Variants in COL28A1 observed in about 807,000 individuals in gnomAD.
COL28A1 encodes collagen type XXVIII alpha 1 chain, also known as collagen alpha-1(XXVIII) chain.
COL28A1 carries 161 observed loss-of-function variants against 150.2 expected under a neutral mutation model. The observed-to-expected ratio is 1.07, with a 90% CI of 0.94 to 1.22. The LOEUF (loss-of-function observed/expected upper bound fraction) is 1.22. Among genes scored for constraint, COL28A1 ranks in the 50% most tolerant of loss-of-function variants. COL28A1 has a pLI of 0.00. For synonymous variants in COL28A1, 552 were observed against 469.7 expected, an observed-to-expected ratio of 1.18 and a Z score of -2.26; for missense variants, 1,617 against 1,388.3, an observed-to-expected ratio of 1.16 and a Z score of -2.62.
chr7:7,442,652 C>A (rs1161551532), intron 20 of COL28A1, among the ~76,000 whole-genome samples: 1 of 152,160 alleles, frequency 6.6e-6, no homozygotes, highest in African/African-American at 2.4e-5. Flanking sequence ...GAATTATGAA[C>A]AGAACACTAA....
At chr7:7,405,787 C>T (rs1372096605) in intron 27 of COL28A1, among the ~76,000 whole-genome samples, 1 of 152,058 alleles carries the variant, frequency 6.6e-6, no homozygotes, top group African/African-American at 2.4e-5. Flanking sequence ...GAAACTGTAA[C>T]AATATTGCAT....
At chr7:7,408,875 C>T (rs963535046) in intron 27 of COL28A1, among the ~76,000 whole-genome samples, 129 of 152,210 alleles carry the variant, frequency 8.5e-4, no homozygotes, top group African/African-American at 3.0e-3. Context: ...TTGAGTGACA[C>T]TTTGTTTTTA....
At chr7:7,494,601 C>G (rs1188606995) in intron 11 of COL28A1, among the ~76,000 whole-genome samples, 6 of 152,148 alleles carry the variant, frequency 3.9e-5, no homozygotes, top group Non-Finnish European at 8.8e-5. Flanking sequence ...ATTCACCAGA[C>G]CTTTTTTGAG....
chr7:7,528,561 A>G lies in COL28A1; in HGVS notation c.681+2787T>C, dbSNP rs185986254. Among the ~76,000 whole-genome samples, 51 of 152,330 alleles carry G rather than the reference A, an allele frequency of 3.3e-4. No homozygotes were observed. The East Asian group carries it at 9.4e-3, about 28-fold the overall frequency. ...ATTCAACTAAAGTCTATTCTACAATAAAAGGGAGTAAACTTCTGATACAGA... is the reference window on the plus strand; with the variant it reads ...ATTCAACTAAAGTCTATTCTACAATGAAAGGGAGTAAACTTCTGATACAGA... On this transcript the variant is annotated intron_variant, in intron 3 of 34. Coordinates refer to ENST00000399429, the MANE Select transcript of COL28A1 (RefSeq NM_001037763.3).
chr7:7,476,376 A>G (rs1788883075), intron 14 of COL28A1, among the ~76,000 whole-genome samples: 1 of 152,232 alleles, frequency 6.6e-6, no homozygotes, highest in African/African-American at 2.4e-5. Context: ...GGGACAGCAA[A>G]CTACAGCCCA....
At chr7:7,476,994 TA>T (rs1279071012) in intron 14 of COL28A1, 117 bp downstream of exon 14, 9 of 673,630 alleles carry the variant, frequency 1.3e-5, no homozygotes, top group Non-Finnish European at 2.4e-5. Flanking sequence ...TTAAATGGAA[TA>T]AAGATGGTCA....
chr7:7,464,745 C>T (rs1214037237), intron 15 of COL28A1, among the ~76,000 whole-genome samples: 1 of 152,104 alleles, frequency 6.6e-6, no homozygotes, highest in Non-Finnish European at 1.5e-5. Flanking sequence ...AAGGTCACAC[C>T]TCAAGGAACT....
chr7:7,356,592 G>C (rs1402171238), downstream of COL28A1: 1 of 151,134 alleles, frequency 6.6e-6, no homozygotes, highest in Non-Finnish European at 1.5e-5. Context: ...CTGTCACAAG[G>C]ACAAAAAACC....
chr7:7,498,264 C>T (rs1780326890), intron 11 of COL28A1, among the ~76,000 whole-genome samples: 1 of 152,078 alleles, frequency 6.6e-6, no homozygotes, highest in East Asian at 1.9e-4. Flanking sequence ...CAGTCAGCAG[C>T]CCATTAGGAG....
At position 7,380,718 on chromosome 7, in the gene COL28A1, A is replaced by G. The variant is rs770589733; in HGVS notation, c.2287-23T>C. 1.2e-5 allele frequency: 19 copies of G among 1,613,488 alleles called. No individual in the cohort carries two copies. In the South Asian group the frequency reaches 1.8e-4, roughly 15 times the overall value. ...ACCCTACTTAGTGGAAGAAGAGTAAAAGTCAATATAGGTTGGAACCAGTTA... is the reference window on the plus strand; with the variant it reads ...ACCCTACTTAGTGGAAGAAGAGTAAGAGTCAATATAGGTTGGAACCAGTTA... On this transcript the variant is annotated intron_variant, in intron 29 of 34. Transcript: ENST00000399429.
intron 13 of COL28A1, among the ~76,000 whole-genome samples, chr7:7,485,436 G>C (rs1325670456): frequency 2.0e-5 from 3 of 151,996 alleles, no homozygotes; most frequent in Non-Finnish European, 4.4e-5. Context: ...CCTTAACAGA[G>C]TCTTTCACAG....
chr7:7,364,799 A>G (rs904859262), intron 33 of COL28A1, among the ~76,000 whole-genome samples: 8 of 152,146 alleles, frequency 5.3e-5, no homozygotes, highest in Admixed American at 3.9e-4. Flanking sequence ...TGATAAAAGA[A>G]ATTATCTTTT....
At chr7:7,393,497 C>G (rs1419086347) in intron 27 of COL28A1, among the ~76,000 whole-genome samples, 1 of 152,238 alleles carries the variant, frequency 6.6e-6, no homozygotes, top group Non-Finnish European at 1.5e-5. Context: ...GGGAGATGCA[C>G]TGCTCTCTTC....
intron 2 of COL28A1, among the ~76,000 whole-genome samples, 162 bp from the exon 3 acceptor site, chr7:7,532,066 A>T (rs1412125961): frequency 6.6e-6 from 1 of 152,174 alleles, no homozygotes; most frequent in Non-Finnish European, 1.5e-5. Context: ...ATTGTAAAAA[A>T]CTAAATGTCT....
chr7:7,444,007 T>TG (rs1554274073), intron 19 of COL28A1, among the ~76,000 whole-genome samples: 110 of 148,818 alleles, frequency 7.4e-4, no homozygotes, highest in African/African-American at 2.6e-3. Context: ...TTTTTTTTTT[T>TG]GCTACTTTTA....
chr7:7,396,890 GTA>G (rs1782864187), intron 27 of COL28A1, among the ~76,000 whole-genome samples: 1 of 152,124 alleles, frequency 6.6e-6, no homozygotes, highest in Admixed American at 6.5e-5. Flanking sequence ...TGCACCATTT[GTA>G]CCTCTTCCCC....
intron 15 of COL28A1, among the ~76,000 whole-genome samples, chr7:7,464,309 G>A (rs1297428000): frequency 2.0e-5 from 3 of 152,112 alleles, no homozygotes; most frequent in East Asian, 1.9e-4. Context: ...TGGAACAAAC[G>A]GACTTAACAG....
intron 18 of COL28A1, among the ~76,000 whole-genome samples, chr7:7,448,181 T>C (rs1302556141): frequency 6.6e-6 from 1 of 152,192 alleles, no homozygotes; most frequent in Non-Finnish European, 1.5e-5. Flanking sequence ...AACTCATAGA[T>C]CTAAGAATAT....
intron 23 of COL28A1, among the ~76,000 whole-genome samples, chr7:7,433,639 A>T (rs956817736): frequency 4.1e-4 from 34 of 81,958 alleles, no homozygotes; most frequent in Non-Finnish European, 5.5e-4. Context: ...GTCTCATTTA[A>T]AAAAAAAAAA....
Sources: allele counts gnomAD v4.1 joint callset (sites outside exome capture counted in the v4.1 genomes callset), GRCh38; gene constraint gnomAD v4.1.1; transcripts MANE v1.5; gene names NCBI Gene and HGNC (gene_info 2026-07-23, HGNC 2026-07-21).